The following OR2C1 variants were observed in gnomAD, a reference collection of about 807,000 sequenced individuals.
OR2C1 encodes olfactory receptor 2C1.
For missense variants in OR2C1, 468 were observed against 388.3 expected (o/e 1.21, Z -1.73); for synonymous variants, 209 against 167.3 (o/e 1.25, Z -1.92).
chr16:3,337,381 C>T, the OR2C1 span, among the ~76,000 whole-genome samples: 1 of 151,498 alleles, frequency 6.6e-6, no homozygotes, highest in Non-Finnish European at 1.5e-5. Flanking sequence ...GTTGCCTGGG[C>T]TGGTCTCGAA....
the OR2C1 span, among the ~76,000 whole-genome samples, chr16:3,324,147 A>G: frequency 6.6e-6 from 1 of 152,222 alleles, no homozygotes; most frequent in Non-Finnish European, 1.5e-5. Flanking sequence ...ATTTAGTAGC[A>G]TAGGGAACAA....
At chr16:3,352,738 C>CTTT (rs56083973), upstream of OR2C1, among the ~76,000 whole-genome samples, 57 of 112,928 alleles carry the variant, frequency 5.0e-4, no homozygotes, top group Non-Finnish European at 6.0e-4. Context: ...TTCTTTCTTT[C>CTTT]TTTTTTTTTT....
the OR2C1 span, among the ~76,000 whole-genome samples, chr16:3,329,090 A>C: frequency 6.6e-6 from 1 of 151,550 alleles, no homozygotes; most frequent in Non-Finnish European, 1.5e-5. Flanking sequence ...CAAAGGATAC[A>C]GTCAAATAAG....
chr16:3,342,240 G>C, the OR2C1 span, among the ~76,000 whole-genome samples: 7 of 152,064 alleles, frequency 4.6e-5, no homozygotes, highest in Non-Finnish European at 7.3e-5. Flanking sequence ...AACAGAGCGA[G>C]ACCCTGCCTC....
rs745587784 is a variant in OR2C1 at position 3,356,764 on chromosome 16, C to T, written c.824C>T (p.Ser275Phe). Residue 275 changes from serine (S) to phenylalanine (F), a missense_variant, in exon 1 of 1, where the codon TCC becomes TTC. Transcript: ENST00000304936. ...NSKQDQGKFI[S>F]LFYSLVTPMV... ...AAACAGGACCAGGGCAAGTTCATTT[C>T]CCTGTTCTACTCGTTGGTCACACCC... The T allele has an allele frequency of 3.1e-6, 5 of 1,614,192 alleles. No individual in the cohort carries two copies. In the South Asian group the frequency reaches 3.3e-5, roughly 11 times the overall value.
chr16:3,353,336 C>A (rs2030603715), upstream of OR2C1, among the ~76,000 whole-genome samples: 1 of 150,918 alleles, frequency 6.6e-6, no homozygotes, highest in African/African-American at 2.4e-5. Context: ...ACTAAAAACA[C>A]AAAAATGAGC....
chr16:3,340,963 G>A, the OR2C1 span, among the ~76,000 whole-genome samples: 5 of 150,964 alleles, frequency 3.3e-5, no homozygotes, highest in Admixed American at 2.0e-4. Flanking sequence ...TGAATCTGAA[G>A]ATCAGCTTTT....
the OR2C1 span, among the ~76,000 whole-genome samples, chr16:3,345,402 C>T: frequency 4.0e-5 from 6 of 151,712 alleles, no homozygotes; most frequent in Non-Finnish European, 5.9e-5. Context: ...AGGAGAATGA[C>T]GTGAACCCAG....
the OR2C1 span, among the ~76,000 whole-genome samples, chr16:3,340,424 C>A: frequency 6.6e-6 from 1 of 151,946 alleles, no homozygotes. Flanking sequence ...TTTCTTTTTT[C>A]TCATAATAAT....
the OR2C1 span, among the ~76,000 whole-genome samples, chr16:3,347,904 G>A: frequency 6.6e-6 from 1 of 151,764 alleles, no homozygotes; most frequent in African/African-American, 2.4e-5. Flanking sequence ...ACCCACTATA[G>A]CATTTTCTTA....
the OR2C1 span, chr16:3,323,225 C>T: frequency 9.3e-6 from 7 of 752,916 alleles, no homozygotes; most frequent in South Asian, 9.4e-5. Context: ...TGCATTCACC[C>T]CAATAGCCAG....
the OR2C1 span, among the ~76,000 whole-genome samples, chr16:3,326,966 T>C: frequency 6.6e-6 from 1 of 152,210 alleles, no homozygotes; most frequent in East Asian, 1.9e-4. Flanking sequence ...GCTACGTGAA[T>C]CTATACATTC....
chr16:3,325,855 CT>C, the OR2C1 span, among the ~76,000 whole-genome samples: 1 of 151,100 alleles, frequency 6.6e-6, no homozygotes, highest in Non-Finnish European at 1.5e-5. Flanking sequence ...ATGTAGGTGC[CT>C]GATGTGAGTA....
At chr16:3,347,207 A>G in the OR2C1 span, among the ~76,000 whole-genome samples, 2 of 138,282 alleles carry the variant, frequency 1.4e-5, no homozygotes, top group Non-Finnish European at 3.0e-5. Context: ...AGATGGTGCC[A>G]CTGCACTCCA....
At chr16:3,323,307 C>T in the OR2C1 span, 1 of 1,015,042 alleles carries the variant, frequency 9.9e-7, no homozygotes, top group South Asian at 1.2e-5. Flanking sequence ...GTGGAAAGGG[C>T]AAAAGAACCA....
chr16:3,336,529 T>TTTTTTAATTTTTTTG, the OR2C1 span, among the ~76,000 whole-genome samples: 13 of 152,034 alleles, frequency 8.6e-5, no homozygotes, highest in African/African-American at 2.9e-4. Context: ...GCCTGGCTAA[T>TTTTTTAATTTTTTTG]TTTGTGTTTT....
At chr16:3,335,007 C>T in the OR2C1 span, among the ~76,000 whole-genome samples, 72,668 of 151,636 alleles carry the variant, frequency 0.48, 18,213 homozygotes, top group East Asian at 0.61. Flanking sequence ...TTAGTAGAGA[C>T]GGGGTTTCAC....
chr16:3,345,833 CTCCT>C, the OR2C1 span, among the ~76,000 whole-genome samples: 3,139 of 95,052 alleles, frequency 0.033, 141 homozygotes, highest in African/African-American at 0.11. Context: ...CCTTCCTTCC[CTCCT>C]TCCTTCCTCC....
the OR2C1 span, among the ~76,000 whole-genome samples, chr16:3,334,326 CG>C: frequency 0.48 from 71,880 of 150,266 alleles, 18,003 homozygotes; most frequent in East Asian, 0.61. Flanking sequence ...TTAGTAGAGA[CG>C]GGGTTTCACC....
Sources: allele counts gnomAD v4.1 joint callset (sites outside exome capture counted in the v4.1 genomes callset), GRCh38; gene constraint gnomAD v4.1.1; transcripts MANE v1.5; gene names NCBI Gene and HGNC (gene_info 2026-07-23, HGNC 2026-07-21).